EPHA6: variants seen among roughly 807,000 people sequenced by gnomAD.
EPHA6 encodes the protein ephrin type-A receptor 6.
A neutral mutation model predicts 112.0 loss-of-function variants in EPHA6; 50 were observed. That is an observed-to-expected ratio of 0.45 (90% CI 0.36 to 0.56). EPHA6 has a LOEUF of 0.56. EPHA6 is among the 20% of genes least tolerant of loss of function. EPHA6 has a pLI of 0.00. For missense variants in EPHA6, 1,280 were observed against 1,417.4 expected (o/e 0.90, Z 1.56); for synonymous variants, 529 against 490.7 (o/e 1.08, Z -1.03).
At chr3:97,515,617 A>G (rs554200498) in intron 10 of EPHA6, among the ~76,000 whole-genome samples, 1 of 152,318 alleles carries the variant, frequency 6.6e-6, no homozygotes, top group Admixed American at 6.5e-5. Flanking sequence ...ATGAGAGGCC[A>G]TCTGGTAGAG....
At chr3:97,297,503 TGGTGA>T (rs2080915955) in intron 5 of EPHA6, among the ~76,000 whole-genome samples, 1 of 152,190 alleles carries the variant, frequency 6.6e-6, no homozygotes, top group African/African-American at 2.4e-5. Flanking sequence ...ACTTTGCTTA[TGGTGA>T]TTGTGTAAAA....
At chr3:97,519,888 G>A (rs953433939) in intron 10 of EPHA6, among the ~76,000 whole-genome samples, 3 of 150,848 alleles carry the variant, frequency 2.0e-5, no homozygotes, top group African/African-American at 7.3e-5. Flanking sequence ...TGAAATCTTG[G>A]TTGGGGTATT....
intron 3 of EPHA6, among the ~76,000 whole-genome samples, chr3:97,209,408 G>A (rs765640710): frequency 2.6e-5 from 4 of 152,052 alleles, no homozygotes; most frequent in Non-Finnish European, 4.4e-5. Context: ...GCTTGCTTAC[G>A]TATCATCTCT....
intron 3 of EPHA6, among the ~76,000 whole-genome samples, chr3:97,041,409 G>A (rs2045309942): frequency 6.6e-6 from 1 of 152,014 alleles, no homozygotes; most frequent in Admixed American, 6.6e-5. Flanking sequence ...AGCACTGACT[G>A]CTGTCTTGTA....
At chr3:97,231,706 AGATGAAGGGTG>A (rs1211762823) in intron 4 of EPHA6, among the ~76,000 whole-genome samples, 1 of 152,180 alleles carries the variant, frequency 6.6e-6, no homozygotes, top group Non-Finnish European at 1.5e-5. Context: ...GTAGTGAAGA[AGATGAAGGGTG>A]GAACTTTAGT....
At chr3:97,109,263 A>G (rs961862301) in intron 3 of EPHA6, among the ~76,000 whole-genome samples, 3 of 152,158 alleles carry the variant, frequency 2.0e-5, no homozygotes, top group African/African-American at 7.2e-5. Context: ...AAACATGTAA[A>G]TGGACCTCTC....
chr3:97,395,205 C>T lies in EPHA6; in HGVS notation c.1607-9945C>T, dbSNP rs137941570. On this transcript the variant is annotated intron_variant, in intron 5 of 17. Coordinates refer to ENST00000389672, the MANE Select transcript of EPHA6 (RefSeq NM_001080448.3). ...ATATAAGTCTCATGTATATTTCAAA[C>T]TCATAACTAGGTTTCAACCACATGC... 4.8e-3 allele frequency among the ~76,000 whole-genome samples: 721 copies of T among 151,580 alleles called. 7 individuals are homozygous for T. Among genetic ancestry groups the T allele is most frequent in the African/African-American group, 0.017 (698 of 41,410 alleles).
intron 3 of EPHA6, among the ~76,000 whole-genome samples, chr3:97,015,969 G>T (rs981888070): frequency 2.0e-5 from 3 of 149,724 alleles, no homozygotes; most frequent in Admixed American, 2.0e-4. Flanking sequence ...TTTGTTTATT[G>T]TCTTTCCTTG....
intron 5 of EPHA6, among the ~76,000 whole-genome samples, chr3:97,367,572 ATT>A (rs554016364): frequency 6.8e-6 from 1 of 147,796 alleles, no homozygotes; most frequent in Non-Finnish European, 1.5e-5. Context: ...GTTTTTATTT[ATT>A]TTTTTTTTGT....
chr3:97,332,662 T>A (rs555940684), intron 5 of EPHA6, among the ~76,000 whole-genome samples: 32 of 152,290 alleles, frequency 2.1e-4, no homozygotes, highest in African/African-American at 7.7e-4. Flanking sequence ...GAGTCAATGT[T>A]CAGTGTTTTG....
chr3:96,838,340 A>G (rs1218664670), intron 1 of EPHA6, among the ~76,000 whole-genome samples: 1 of 152,124 alleles, frequency 6.6e-6, no homozygotes, highest in African/African-American at 2.4e-5. Context: ...TGCCATTGTG[A>G]ATAGTGCTTC....
intron 10 of EPHA6, among the ~76,000 whole-genome samples, chr3:97,509,086 C>G (rs756681117): frequency 7.5e-6 from 1 of 132,490 alleles, no homozygotes; most frequent in Non-Finnish European, 1.6e-5. Flanking sequence ...TGTCTTTGCA[C>G]ATGAGATGAG....
At chr3:96,845,722 T>G (rs1559767982) in intron 1 of EPHA6, among the ~76,000 whole-genome samples, 1 of 152,070 alleles carries the variant, frequency 6.6e-6, no homozygotes, top group South Asian at 2.1e-4. Context: ...CTGTATATCC[T>G]TGAAGGAATT....
At chr3:97,285,347 T>A (rs895160224) in intron 5 of EPHA6, among the ~76,000 whole-genome samples, 1 of 152,062 alleles carries the variant, frequency 6.6e-6, no homozygotes, top group South Asian at 2.1e-4. Context: ...TGTATGTTTG[T>A]ACCTATTAAC....
At chr3:97,647,155 C>A (rs947811434) in intron 14 of EPHA6, among the ~76,000 whole-genome samples, 1 of 152,070 alleles carries the variant, frequency 6.6e-6, no homozygotes, top group African/African-American at 2.4e-5. Flanking sequence ...TTCAGAACTA[C>A]AAGCAAGAAA....
intron 1 of EPHA6, among the ~76,000 whole-genome samples, chr3:96,856,435 A>G (rs938892313): frequency 6.6e-6 from 1 of 152,150 alleles, no homozygotes; most frequent in Non-Finnish European, 1.5e-5. Context: ...GAAAAAAAAT[A>G]TTGGTTTATA....
At chr3:97,668,668 C>T (rs952745546) in intron 14 of EPHA6, among the ~76,000 whole-genome samples, 4 of 151,976 alleles carry the variant, frequency 2.6e-5, no homozygotes, top group Non-Finnish European at 5.9e-5. Context: ...AATCCCAGCA[C>T]TTTGGGAGGC....
At chr3:96,998,350 AAC>A (rs1172786823) in intron 3 of EPHA6, among the ~76,000 whole-genome samples, 1 of 152,000 alleles carries the variant, frequency 6.6e-6, no homozygotes, top group Non-Finnish European at 1.5e-5. Context: ...AATATATAGT[AAC>A]AGTTTTTGTA....
At position 97,475,483 on chromosome 3, in the gene EPHA6, T is replaced by G. The variant is rs746387588; in HGVS notation, c.2003+23T>G. 5 of 1,505,300 alleles carry G rather than the reference T, an allele frequency of 3.3e-6. 1 individual carries two copies. The South Asian group carries it at 5.8e-5, about 17-fold the overall frequency. 93.2% of individuals were successfully genotyped at this position (1,505,300 alleles called of 1,614,324 possible). A position where few individuals can be genotyped will look rare whatever the true frequency, so the allele number is the denominator to read the frequency against. On this transcript the variant is annotated intron_variant, in intron 8 of 17. Transcript: ENST00000389672. ...GAGGTAACTGAAACATACCATACTATTTCCGAGATTTATGAATAACCACTC... is the reference window on the plus strand; with the variant it reads ...GAGGTAACTGAAACATACCATACTAGTTCCGAGATTTATGAATAACCACTC...
Sources: gnomAD v4.1 joint callset for allele counts (sites outside exome capture counted in the v4.1 genomes callset) on GRCh38, gnomAD v4.1.1 for gene constraint, MANE v1.5 for transcripts, NCBI Gene and HGNC (gene_info 2026-07-23, HGNC 2026-07-21) for gene names.